The following TLL2 variants were observed in gnomAD, a reference collection of about 807,000 sequenced individuals.
TLL2 encodes the protein tolloid like 2.
In TLL2, 106 loss-of-function variants were observed where a neutral mutation model predicts 123.0. The observed-to-expected ratio is 0.86, with a 90% CI of 0.74 to 1.01. TLL2 has a LOEUF of 1.01. Ranked by LOEUF, TLL2 falls within the 50% of genes least tolerant of loss-of-function variation. The probability of loss-of-function intolerance (pLI) is 0.00; values close to 1 mark genes in which losing one functional copy is unlikely to be tolerated. For synonymous variants in TLL2, 494 were observed against 516.8 expected (o/e 0.96, Z 0.60); for missense variants, 1,332 against 1,336.7 (o/e 1.00, Z 0.06).
In TLL2 at chr10:96,366,071, T is replaced by A. The variant is rs1846022827; in HGVS notation, c.*2017A>T. Reference sequence around the variant, plus strand: ...TTTTATTTCCTTGGAGAAAGAACCATAACACCCATCTTAGGTTTCCCAGTT... The same window carrying A: ...TTTTATTTCCTTGGAGAAAGAACCAAAACACCCATCTTAGGTTTCCCAGTT... On this transcript the variant is annotated 3_prime_UTR_variant, in exon 21 of 21. Transcript: ENST00000357947. 6.6e-6 allele frequency: 1 copy of A among 152,226 alleles called. No homozygotes were observed. Among genetic ancestry groups the A allele is most frequent in the South Asian group, 2.1e-4 (1 of 4,836 alleles). 9.4% of individuals were successfully genotyped at this position (152,226 alleles called of 1,614,324 possible). A position where few individuals can be genotyped will look rare whatever the true frequency, so the allele number is the denominator to read the frequency against.
intron 16 of TLL2, among the ~76,000 whole-genome samples, chr10:96,380,749 G>A (rs1589406459): frequency 6.9e-6 from 1 of 144,756 alleles, no homozygotes; most frequent in African/African-American, 2.6e-5. Flanking sequence ...GCCAGGCGTG[G>A]TGGCTCATGT....
chr10:96,407,618 CA>C (rs1214786383), intron 9 of TLL2, among the ~76,000 whole-genome samples: 1 of 152,178 alleles, frequency 6.6e-6, no homozygotes, highest in Non-Finnish European at 1.5e-5. Flanking sequence ...CTTAGCATAC[CA>C]CAACTAACAC....
In TLL2 at chr10:96,467,945, T is replaced by C. The variant is rs535282872; in HGVS notation, c.286+12404A>G. 1.4e-3 allele frequency among the ~76,000 whole-genome samples: 212 copies of C among 152,288 alleles called. 1 individual carries two copies. The highest frequency in any genetic ancestry group is 2.2e-4 in the Non-Finnish European group (15 of 68,024). Reference sequence around the variant, plus strand: ...AGACTGTGTCCCCAAGTTCCATGTATTAAGATGGCTGGTGAGAACTCAAAG... The same window carrying C: ...AGACTGTGTCCCCAAGTTCCATGTACTAAGATGGCTGGTGAGAACTCAAAG... On this transcript the variant is annotated intron_variant, in intron 2 of 20. Coordinates refer to ENST00000357947, the MANE Select transcript of TLL2 (RefSeq NM_012465.4).
chr10:96,487,157 T>C (rs1847364993), intron 1 of TLL2, among the ~76,000 whole-genome samples: 1 of 152,222 alleles, frequency 6.6e-6, no homozygotes, highest in Non-Finnish European at 1.5e-5. Context: ...AGCCATGGTT[T>C]CCTCATCTGG....
Position 96,513,769 on chromosome 10 carries a change from C to G in TLL2, c.-84G>C. The G allele has an allele frequency of 7.4e-7, 1 of 1,347,488 alleles. No individual in the cohort carries two copies. 83.5% of individuals were successfully genotyped at this position (1,347,488 alleles called of 1,614,324 possible). On this transcript the variant is annotated 5_prime_UTR_variant, in exon 1 of 21. Transcript: ENST00000357947. ...GAAAGACGGCGCACACTGGGTCGGT[C>G]GGCTCCGGCCGGGACTCGGTGGTTA... is the stretch of plus-strand genomic sequence containing the variant.
At chr10:96,385,736 C>T (rs1846227941) in intron 15 of TLL2, among the ~76,000 whole-genome samples, 1 of 152,200 alleles carries the variant, frequency 6.6e-6, no homozygotes, top group Admixed American at 6.5e-5. Flanking sequence ...CTTTATTCGC[C>T]TCAGCTGCAC....
At chr10:96,425,609 A>G (rs2134077684) in intron 5 of TLL2, among the ~76,000 whole-genome samples, 1 of 151,902 alleles carries the variant, frequency 6.6e-6, no homozygotes, top group African/African-American at 2.4e-5. Flanking sequence ...TTTCTATTAA[A>G]GTTGTGATTT....
intron 20 of TLL2, 61 bp from the exon 21 acceptor site, chr10:96,368,283 G>A (rs1846048253): frequency 1.9e-6 from 3 of 1,592,462 alleles, no homozygotes; most frequent in Non-Finnish European, 2.6e-6. Context: ...TGAAAATGAG[G>A]AGGATGGGAC....
At chr10:96,417,509 T>C (rs1176161770) in intron 7 of TLL2, among the ~76,000 whole-genome samples, 2 of 151,984 alleles carry the variant, frequency 1.3e-5, no homozygotes, top group Non-Finnish European at 2.9e-5. Context: ...CAGTAAGAGG[T>C]GGAGTCTATT....
intron 2 of TLL2, among the ~76,000 whole-genome samples, chr10:96,465,809 C>T (rs1312274265): frequency 6.6e-6 from 1 of 152,178 alleles, no homozygotes; most frequent in Non-Finnish European, 1.5e-5. Flanking sequence ...TGCGGCTCAC[C>T]ATGGAGTGCA....
At chr10:96,498,037 C>G (rs1847494932) in intron 1 of TLL2, among the ~76,000 whole-genome samples, 1 of 152,188 alleles carries the variant, frequency 6.6e-6, no homozygotes, top group African/African-American at 2.4e-5. Context: ...TCCTAATAAC[C>G]CAAAGCTTCT....
rs148393431 is a variant in TLL2 at position 96,400,647 on chromosome 10, C to T, written c.1268-3345G>A. 7.8e-3 allele frequency among the ~76,000 whole-genome samples: 1,192 copies of T among 152,340 alleles called. 14 individuals carry two copies. Among genetic ancestry groups the T allele is most frequent in the African/African-American group, 0.028 (1,147 of 41,574 alleles). On this transcript the variant is annotated intron_variant, in intron 10 of 20. Coordinates refer to ENST00000357947, the MANE Select transcript of TLL2 (RefSeq NM_012465.4). ...AGTAGCCGGGCCACACGACACTGAT[C>T]GGCCAGCCTGGCCTTTCTGAACTTC...
chr10:96,398,212 T>C (rs1028012157), intron 10 of TLL2, among the ~76,000 whole-genome samples: 2 of 152,128 alleles, frequency 1.3e-5, no homozygotes, highest in Admixed American at 6.5e-5. Context: ...AGGGGAGCCA[T>C]AGAATGTCTC....
intron 17 of TLL2, among the ~76,000 whole-genome samples, chr10:96,377,177 C>CT (rs1042784834): frequency 6.6e-6 from 1 of 152,214 alleles, no homozygotes; most frequent in Non-Finnish European, 1.5e-5. Context: ...CTTATGTAAG[C>CT]TTCGGTGTCC....
intron 1 of TLL2, among the ~76,000 whole-genome samples, chr10:96,484,590 TACACACACAC>T (rs56286214): frequency 0.028 from 4,129 of 146,006 alleles, 70 homozygotes; most frequent in African/African-American, 0.049. Flanking sequence ...TACACATAAG[TACACACACAC>T]ACACACACAC....
chr10:96,386,033 C>T, intron 15 of TLL2, 22 bp downstream of exon 15: 1 of 1,558,374 alleles, frequency 6.4e-7, no homozygotes, highest in Non-Finnish European at 8.7e-7. Flanking sequence ...AGTCCCCAAT[C>T]AATTAGAGCA....
chr10:96,416,384 T>TGGGCACTTTCCTTGCACC (rs1846561626), intron 7 of TLL2, among the ~76,000 whole-genome samples: 1 of 151,406 alleles, frequency 6.6e-6, no homozygotes, highest in Admixed American at 6.5e-5. Context: ...GGCCCTGCAC[T>TGGGCACTTTCCTTGCACC]GGGCACTTTC....
At chr10:96,493,922 G>A (rs1483611040) in intron 1 of TLL2, among the ~76,000 whole-genome samples, 1 of 152,198 alleles carries the variant, frequency 6.6e-6, no homozygotes, top group Non-Finnish European at 1.5e-5. Context: ...TTAACGACTA[G>A]CCCAAGTTGA....
intron 2 of TLL2, among the ~76,000 whole-genome samples, chr10:96,469,774 C>T (rs1386479773): frequency 6.6e-6 from 1 of 152,248 alleles, no homozygotes; most frequent in African/African-American, 2.4e-5. Flanking sequence ...ATCCTTGGTG[C>T]TGAGCACAGA....
Sources: gnomAD v4.1 joint callset for allele counts (sites outside exome capture counted in the v4.1 genomes callset) on GRCh38, gnomAD v4.1.1 for gene constraint, MANE v1.5 for transcripts, NCBI Gene and HGNC (gene_info 2026-07-23, HGNC 2026-07-21) for gene names.